NEGR1: variants seen among roughly 807,000 people sequenced by gnomAD.
NEGR1 encodes the protein IgLON family member 4.
Under a neutral mutation model 40.9 loss-of-function variants are expected in NEGR1, and 10 were observed. That is an observed-to-expected ratio of 0.24 (90% CI 0.15 to 0.42). The LOEUF (loss-of-function observed/expected upper bound fraction) is 0.42. Ranked by LOEUF, NEGR1 falls within the 10% of genes least tolerant of loss-of-function variation. The pLI, the probability that NEGR1 is intolerant of heterozygous loss-of-function variation, is 1.00. For synonymous variants in NEGR1, 185 were observed against 166.8 expected, an observed-to-expected ratio of 1.11 and a Z score of -0.84; for missense variants, 352 against 438.9, an observed-to-expected ratio of 0.80 and a Z score of 1.77.
intron 3 of NEGR1, among the ~76,000 whole-genome samples, chr1:71,761,576 CTTCT>C (rs1655942820): frequency 6.6e-6 from 1 of 152,128 alleles, no homozygotes; most frequent in Non-Finnish European, 1.5e-5. Context: ...GAAAATACTG[CTTCT>C]TTATCTTTCT....
At chr1:72,047,797 A>G in intron 1 of NEGR1, among the ~76,000 whole-genome samples, 1 of 151,540 alleles carries the variant, frequency 6.6e-6, no homozygotes, top group Non-Finnish European at 1.5e-5. Flanking sequence ...CCTAATAAGC[A>G]TTTGGTTTAT....
intron 4 of NEGR1, among the ~76,000 whole-genome samples, chr1:71,675,124 T>TAC (rs992458274): frequency 1.0e-4 from 6 of 59,082 alleles, no homozygotes; most frequent in South Asian, 7.3e-4. Context: ...TATATATATA[T>TAC]ATACACACAC....
At chr1:72,006,068 C>A (rs1646604315) in intron 1 of NEGR1, among the ~76,000 whole-genome samples, 1 of 152,254 alleles carries the variant, frequency 6.6e-6, no homozygotes, top group Middle Eastern at 3.4e-3. Context: ...GTCATTTAAT[C>A]ATGGCATTTA....
chr1:71,664,560 G>A (rs949481996), intron 4 of NEGR1, among the ~76,000 whole-genome samples: 5 of 151,922 alleles, frequency 3.3e-5, no homozygotes, highest in African/African-American at 9.7e-5. Flanking sequence ...AGAAGAGAAG[G>A]GAGGGAGATG....
intron 1 of NEGR1, among the ~76,000 whole-genome samples, chr1:72,138,269 A>C (rs1035667489): frequency 1.3e-5 from 2 of 152,102 alleles, no homozygotes; most frequent in South Asian, 4.1e-4. Flanking sequence ...ATAAAAAACC[A>C]CTCCAATAGT....
At chr1:71,705,345 G>T (rs947322416) in intron 3 of NEGR1, among the ~76,000 whole-genome samples, 1 of 152,088 alleles carries the variant, frequency 6.6e-6, no homozygotes, top group African/African-American at 2.4e-5. Context: ...TGAGCTAAAG[G>T]TGTTTAGATA....
At chr1:71,491,693 C>A (rs902209808) in intron 6 of NEGR1, among the ~76,000 whole-genome samples, 2 of 151,938 alleles carry the variant, frequency 1.3e-5, no homozygotes, top group African/African-American at 4.8e-5. Context: ...TCCACATTTC[C>A]AGCCTGTGTG....
chr1:71,674,691 A>T (rs1261244538), intron 4 of NEGR1, among the ~76,000 whole-genome samples: 2 of 152,046 alleles, frequency 1.3e-5, no homozygotes, highest in Non-Finnish European at 2.9e-5. Context: ...ATGAGTTAAG[A>T]GGACAAATGT....
chr1:72,000,754 G>A (rs1333307947), intron 1 of NEGR1, among the ~76,000 whole-genome samples: 1 of 152,068 alleles, frequency 6.6e-6, no homozygotes, highest in Admixed American at 6.6e-5. Flanking sequence ...AGAGTGTTTT[G>A]CAGCATCTAT....
intron 1 of NEGR1, among the ~76,000 whole-genome samples, chr1:72,108,756 C>A (rs115679309): frequency 0.017 from 2,632 of 151,698 alleles, 71 homozygotes; most frequent in African/African-American, 0.061. Flanking sequence ...AGCCCCAGAA[C>A]TGGATGCAAG....
At chr1:71,569,198 G>A (rs1648733885) in intron 6 of NEGR1, among the ~76,000 whole-genome samples, 1 of 152,130 alleles carries the variant, frequency 6.6e-6, no homozygotes, top group Non-Finnish European at 1.5e-5. Flanking sequence ...TTACAGGTGT[G>A]AGCCACTGTA....
At chr1:71,567,129 G>GCC (rs1648646864) in intron 6 of NEGR1, among the ~76,000 whole-genome samples, 1 of 152,154 alleles carries the variant, frequency 6.6e-6, no homozygotes, top group Non-Finnish European at 1.5e-5. Flanking sequence ...GAAACTGACA[G>GCC]AAGAGAATAC....
At chr1:72,143,930 T>TATATAAA (rs372978582) in intron 1 of NEGR1, among the ~76,000 whole-genome samples, 26 of 140,500 alleles carry the variant, frequency 1.9e-4, no homozygotes, top group African/African-American at 5.7e-4. Flanking sequence ...TATATATATA[T>TATATAAA]ATATATATAT....
chr1:71,445,178 T>C (rs1646572619), intron 6 of NEGR1, among the ~76,000 whole-genome samples: 1 of 152,182 alleles, frequency 6.6e-6, no homozygotes, highest in African/African-American at 2.4e-5. Flanking sequence ...AGCAGCCTGC[T>C]CATTGAACCT....
Position 71,403,709 on chromosome 1 carries a change from G to T in NEGR1, c.*3737C>A. 1 of 342,920 alleles carries T rather than the reference G, an allele frequency of 2.9e-6. No homozygotes were observed. 21.2% of individuals were successfully genotyped at this position (342,920 alleles called of 1,614,324 possible). A position where few individuals can be genotyped will look rare whatever the true frequency, so the allele number is the denominator to read the frequency against. On this transcript the variant is annotated 3_prime_UTR_variant, in exon 7 of 7. Coordinates refer to ENST00000357731, the MANE Select transcript of NEGR1 (RefSeq NM_173808.3). ...CTTCCTTCTTTCTCTTAAGCTAATA[G>T]AGTTTTAAAATGAGTCAAATACATA...
intron 1 of NEGR1, among the ~76,000 whole-genome samples, chr1:72,155,682 T>C (rs1651331713): frequency 6.6e-6 from 1 of 152,040 alleles, no homozygotes; most frequent in Admixed American, 6.6e-5. Flanking sequence ...TCAAGATCTT[T>C]ACAGGCAGAA....
intron 1 of NEGR1, among the ~76,000 whole-genome samples, chr1:72,013,574 T>A (rs1253563907): frequency 6.6e-6 from 1 of 152,044 alleles, no homozygotes; most frequent in African/African-American, 2.4e-5. Context: ...TGACAGTAAA[T>A]AAGCATAAGC....
chr1:71,597,472 C>CTCTGTGTGTG lies in NEGR1; in HGVS notation c.789-4505_789-4504insCACACACAGA, dbSNP rs756076229. 4.8e-3 allele frequency among the ~76,000 whole-genome samples: 149 copies of CTCTGTGTGTG among 31,332 alleles called. 3 individuals carry two copies. Among genetic ancestry groups the CTCTGTGTGTG allele is most frequent in the Middle Eastern group, 0.071 (2 of 28 alleles). The allele number at this position is 31,332 out of a possible 152,430, so 20.6% of individuals were successfully genotyped here. On this transcript the variant is annotated intron_variant, in intron 5 of 6. Transcript: ENST00000357731. ...TCTCTCTCTCTCTCTCTCTCTCTCTCTGTGTGTGTGTGTGTGTGTGTGTGT... is the reference window on the plus strand; with the variant it reads ...TCTCTCTCTCTCTCTCTCTCTCTCTCTCTGTGTGTGTGTGTGTGTGTGTGTGTGTGTGTGT...
chr1:71,842,221 C>T (rs1214123922), intron 2 of NEGR1, among the ~76,000 whole-genome samples: 6 of 152,078 alleles, frequency 3.9e-5, no homozygotes, highest in Non-Finnish European at 5.9e-5. Context: ...AGAAGCCTGG[C>T]TATTCTGGCT....
Sources: allele counts gnomAD v4.1 joint callset (sites outside exome capture counted in the v4.1 genomes callset), GRCh38; gene constraint gnomAD v4.1.1; transcripts MANE v1.5; gene names NCBI Gene and HGNC (gene_info 2026-07-23, HGNC 2026-07-21).